Variants in HECTD4 observed in about 807,000 individuals in gnomAD.
HECTD4 encodes probable E3 ubiquitin-protein ligase HECTD4.
In HECTD4, 114 loss-of-function variants were observed where a neutral mutation model predicts 471.5. The observed-to-expected ratio is 0.24, with a 90% confidence interval of 0.21 to 0.28. The LOEUF is 0.28. Among genes scored for constraint, HECTD4 ranks in the 10% least tolerant of loss-of-function variants. The pLI is 1.00. For synonymous variants in HECTD4, 2,012 were observed against 2,256.0 expected, an observed-to-expected ratio of 0.89 and a Z score of 3.07; for missense variants, 3,866 against 5,651.5, an observed-to-expected ratio of 0.68 and a Z score of 10.13.
Position 112,193,083 on chromosome 12 carries a change from T to C in HECTD4, c.9064A>G (p.Ser3022Gly). Residue 3022 changes from serine to glycine, a missense_variant, in exon 58 of 76, where the codon AGT becomes GGT. Physicochemically the swap from Ser to Gly is moderately conservative, Grantham distance 56. This residue lies in a region of HECTD4 where 364 missense variants were observed against 413.2 expected (regional missense o/e 0.88). Transcript: ENST00000682272. The surrounding 1 kb of genome is among the most constrained non-coding windows in gnomAD (Gnocchi z 5.2). ...AAFVVVSCKESQSGFRKDSSL... is the reference protein window; with the variant it reads ...AAFVVVSCKEGQSGFRKDSSL... The stretch of plus-strand genomic sequence containing the variant: ...TACTCTTTGCGGAATCCAGATTGAC[T>C]TTCTTTACAAGACACAACAACAAAA... 1 of 1,614,056 alleles carries C rather than the reference T, an allele frequency of 6.2e-7. No individual in the cohort carries two copies. The highest frequency in any genetic ancestry group is 1.1e-5 in the South Asian group (1 of 91,080).
intron 24 of HECTD4, among the ~76,000 whole-genome samples, 178 bp downstream of exon 24, chr12:112,250,790 AAGT>A (rs1265668277): frequency 2.0e-5 from 3 of 152,170 alleles, no homozygotes; most frequent in Non-Finnish European, 2.9e-5. Flanking sequence ...AAATTTAGTA[AAGT>A]AAGGGCCAGA....
chr12:112,231,614 T>C lies in HECTD4; in HGVS notation c.6099A>G (p.Val2033=). 1 of 1,613,934 alleles carries C rather than the reference T, an allele frequency of 6.2e-7. No individual in the cohort carries two copies. Among genetic ancestry groups the C allele is most frequent in the Non-Finnish European group, 8.5e-7 (1 of 1,179,810 alleles). ...SGLIVSIGPP[V]ESINPETVSG... Reference sequence around the variant, plus strand: ...TCACAGTCTCTGGGTTGATAGACTCTACAGGTGGCCCAATGCTGACGATGA... The same window carrying C: ...TCACAGTCTCTGGGTTGATAGACTCCACAGGTGGCCCAATGCTGACGATGA... Residue 2033 remains valine (V), a synonymous_variant, in exon 39 of 76, where the codon GTA becomes GTG. Coordinates refer to ENST00000682272, the MANE Select transcript of HECTD4 (RefSeq NM_001388303.1).
At position 112,243,502 on chromosome 12, in the gene HECTD4, G is replaced by A. The variant is rs1252176917; in HGVS notation, c.4809C>T (p.Phe1603=). The A allele has an allele frequency of 5.0e-6, 8 of 1,605,490 alleles. 1 individual carries two copies. The South Asian group carries it at 8.9e-5, about 18-fold the overall frequency. ...NPDQAVSSSS[F]LLAAQTRWRR... ...GCCACCTTGTCTGTGCAGCCAAAAG[G>A]AAACTGCTGCTGGACACCTGAAACA... Residue 1603 remains phenylalanine (F), a synonymous_variant, in exon 32 of 76, where the codon TTC becomes TTT. Coordinates refer to ENST00000682272, the MANE Select transcript of HECTD4 (RefSeq NM_001388303.1). This position sits in a 1 kb window ranked among gnomAD's most constrained non-coding sequence, Gnocchi z 6.6.
chr12:112,185,483 C>T lies in HECTD4; in HGVS notation c.9483G>A (p.Leu3161=). The part of the protein sequence containing the change: ...LQVVELLGNF[L]WTTDMAACVK... ...CGCAGGCTGCCATGTCCGTGGTCCA[C>T]AAGAAGTTTCCTGAGGCAAATGAAA... is the stretch of plus-strand genomic sequence containing the variant. The change falls in exon 61 of 76, where the codon TTG becomes TTA. Residue 3161 remains leucine (L), a synonymous_variant. Coordinates refer to ENST00000682272, the MANE Select transcript of HECTD4 (RefSeq NM_001388303.1). 1.3e-6 allele frequency: 2 copies of T among 1,546,458 alleles called. No individual in the cohort carries two copies. Among genetic ancestry groups the T allele is most frequent in the Non-Finnish European group, 1.7e-6 (2 of 1,144,746 alleles).
chr12:112,228,926 G>A lies in HECTD4; in HGVS notation c.6520-115C>T, dbSNP rs781183085. 1 of 996,058 alleles carries A rather than the reference G, an allele frequency of 1.0e-6. No homozygotes were observed. Among genetic ancestry groups the A allele is most frequent in the Non-Finnish European group, 1.5e-6 (1 of 650,486 alleles). The allele number at this position is 996,058 out of a possible 1,614,324, so 61.7% of individuals were successfully genotyped here. A position where few individuals can be genotyped will look rare whatever the true frequency, so the allele number is the denominator to read the frequency against. ...TGTCATTGTTGGCGTTACAGTAATA[G>A]TTTATACTACTAGGGTAGCAGATAC... On this transcript the variant is annotated intron_variant, in intron 41 of 75. Coordinates refer to ENST00000682272, the MANE Select transcript of HECTD4 (RefSeq NM_001388303.1). This position sits in a 1 kb window ranked among gnomAD's most constrained non-coding sequence, Gnocchi z 4.9.
rs375775601 is a variant in HECTD4 at position 112,235,565 on chromosome 12, G to A, written c.5664C>T (p.Ser1888=). 1.6e-5 allele frequency: 26 copies of A among 1,613,912 alleles called. No homozygotes were observed. The highest frequency in any genetic ancestry group is 1.5e-4 in the African/African-American group (11 of 75,060). ...PSLNSEQEDP[S]DPASKIASLL... ...GGGAGGCGATCTTGGAAGCTGGGTCGCTGGGATCCTCCTGCTCACTGTTTA... is the reference window on the plus strand; with the variant it reads ...GGGAGGCGATCTTGGAAGCTGGGTCACTGGGATCCTCCTGCTCACTGTTTA... The change falls in exon 36 of 76, where the codon AGC becomes AGT. Residue 1888 remains serine, a synonymous_variant. Coordinates refer to ENST00000682272, the MANE Select transcript of HECTD4 (RefSeq NM_001388303.1). This position sits in a 1 kb window ranked among gnomAD's most constrained non-coding sequence, Gnocchi z 5.0.
At chr12:112,218,062 G>A in intron 45 of HECTD4, among the ~76,000 whole-genome samples, 1 of 151,744 alleles carries the variant, frequency 6.6e-6, no homozygotes, top group Non-Finnish European at 1.5e-5. Context: ...GGAGGCTGAG[G>A]TAGGAGAATC....
intron 44 of HECTD4, among the ~76,000 whole-genome samples, chr12:112,225,323 A>G (rs2033204057): frequency 6.6e-6 from 1 of 151,118 alleles, no homozygotes; most frequent in African/African-American, 2.4e-5. Context: ...ACTTTTTAAA[A>G]GACCAAAAAA....
At chr12:112,314,603 G>A (rs1206124118) in intron 2 of HECTD4, 57 bp from the exon 3 acceptor site, 1 of 962,044 alleles carries the variant, frequency 1.0e-6, no homozygotes, top group Non-Finnish European at 1.6e-6. Context: ...AATAATTTAG[G>A]TCATTAATGC....
Position 112,192,587 on chromosome 12 carries a change from A to T in HECTD4, c.9265T>A (p.Ser3089Thr). Residue 3089 changes from serine (S) to threonine (T), a missense_variant, in exon 59 of 76, where the codon TCC (serine) becomes ACC (threonine). Coordinates refer to ENST00000682272, the MANE Select transcript of HECTD4 (RefSeq NM_001388303.1). ...TADQYPSVVL[S>T]TDRVHIKLGV... ...AGTTTGATGTGGACCCTGTCTGTGG[A>T]GAGGACCACAGAGGGGTACTGGTCA... 7 of 1,595,978 alleles carry T rather than the reference A, an allele frequency of 4.4e-6. No homozygotes were observed. Among genetic ancestry groups the T allele is most frequent in the Non-Finnish European group, 6.0e-6 (7 of 1,169,668 alleles).
At chr12:112,234,357 C>T (rs1341111410) in intron 37 of HECTD4, among the ~76,000 whole-genome samples, 1 of 152,182 alleles carries the variant, frequency 6.6e-6, no homozygotes, top group Non-Finnish European at 1.5e-5. Context: ...CATAATCCCG[C>T]TTAGTTTACA....
rs1445474490 is a variant in HECTD4 at position 112,208,523 on chromosome 12, C to T, written c.7975G>A (p.Asp2659Asn). 1.1e-5 allele frequency: 17 copies of T among 1,602,072 alleles called. No individual in the cohort carries two copies. Among genetic ancestry groups the T allele is most frequent in the African/African-American group, 2.7e-5 (2 of 74,302 alleles). The change falls in exon 51 of 76, where the codon GAT (aspartate) becomes AAT (asparagine). Residue 2659 changes from aspartate to asparagine, a missense_variant. This residue lies in a region of HECTD4 where 266 missense variants were observed against 441.6 expected (regional missense o/e 0.60). Transcript: ENST00000682272. ...GGGATGTCATCATCGTCATCATCAT[C>T]GCTTTCATCATCTGCAATGGGAGGC... ...HPPPIADDESDDDDDDDIPQE... is the reference protein window; with the variant it reads ...HPPPIADDESNDDDDDDIPQE...
chr12:112,289,171 C>T (rs953844160), intron 7 of HECTD4, among the ~76,000 whole-genome samples: 3 of 152,096 alleles, frequency 2.0e-5, no homozygotes, highest in Admixed American at 2.0e-4. Flanking sequence ...ACGATCATGG[C>T]TCACTGCAGC....
intron 70 of HECTD4, 59 bp from the exon 71 acceptor site, chr12:112,167,976 T>C: frequency 7.9e-7 from 1 of 1,271,810 alleles, no homozygotes; most frequent in South Asian, 1.2e-5. Context: ...GCGACACCGT[T>C]CCCTCCCTCT....
rs577789230 is a variant in HECTD4, at chr12:112,281,292, G to A, written c.1528+1818C>T. Among the ~76,000 whole-genome samples the A allele has an allele frequency of 2.1e-4, 32 of 151,766 alleles. No homozygotes were observed. The South Asian group carries it at 6.2e-3, about 30-fold the overall frequency. The stretch of plus-strand genomic sequence containing the variant: ...TTTTTTTAAAAAAAAAAAGTACAAT[G>A]AGACCACATGTTTAGAATACAGATA... On this transcript the variant is annotated intron_variant, in intron 8 of 75. Transcript: ENST00000682272.
chr12:112,210,309 C>T (rs1265261272), intron 49 of HECTD4, 57 bp from the exon 50 acceptor site: 1 of 1,556,816 alleles, frequency 6.4e-7, no homozygotes, highest in African/African-American at 1.4e-5. Flanking sequence ...TTTATTTCTG[C>T]AAGAGCCCAA....
At chr12:112,331,918 A>G (rs952082988) in intron 1 of HECTD4, among the ~76,000 whole-genome samples, 1 of 152,210 alleles carries the variant, frequency 6.6e-6, no homozygotes, top group Non-Finnish European at 1.5e-5. Context: ...TATCCTGTTC[A>G]GTTCCAAGTA....
At chr12:112,306,310 G>A in intron 6 of HECTD4, 76 bp from the exon 7 acceptor site, 1 of 1,171,912 alleles carries the variant, frequency 8.5e-7, no homozygotes, top group South Asian at 2.8e-5. Context: ...CATCATTAAT[G>A]CCATTATGCC....
At position 112,243,510 on chromosome 12, in the gene HECTD4, T is replaced by C. The variant is rs916047365; in HGVS notation, c.4801A>G (p.Ser1601Gly). 1 of 1,605,088 alleles carries C rather than the reference T, an allele frequency of 6.2e-7. No homozygotes were observed. The highest frequency in any genetic ancestry group is 8.5e-7 in the Non-Finnish European group (1 of 1,175,726). ...GTNPDQAVSS[S>G]SFLLAAQTRW... ...GTCTGTGCAGCCAAAAGGAAACTGCTGCTGGACACCTGAAACACACAAGGA... is the reference window on the plus strand; with the variant it reads ...GTCTGTGCAGCCAAAAGGAAACTGCCGCTGGACACCTGAAACACACAAGGA... The change falls in exon 32 of 76, where the codon AGC becomes GGC. Residue 1601 changes from serine to glycine, a missense_variant. Physicochemically the swap from Ser to Gly is moderately conservative, Grantham distance 56. This residue lies in a region of HECTD4 where 229 missense variants were observed against 386.4 expected (regional missense o/e 0.59). Coordinates refer to ENST00000682272, the MANE Select transcript of HECTD4 (RefSeq NM_001388303.1). This position sits in a 1 kb window ranked among gnomAD's most constrained non-coding sequence, Gnocchi z 6.6.
Sources: gnomAD v4.1 joint callset for allele counts (sites outside exome capture counted in the v4.1 genomes callset) on GRCh38, gnomAD v4.1.1 for gene constraint, gnomAD v4.1.1 regional missense constraint, Gnocchi (gnomAD v3.1) non-coding constraint, MANE v1.5 for transcripts, NCBI Gene and HGNC (gene_info 2026-07-23, HGNC 2026-07-21) for gene names.